SCOC: variants seen among roughly 807,000 people sequenced by gnomAD.
The protein encoded by SCOC is short coiled-coil protein.
SCOC carries 7 observed loss-of-function variants against 9.9 expected under a neutral mutation model. The observed-to-expected ratio is 0.71, with a 90% CI of 0.40 to 1.33. The LOEUF is 1.33. SCOC is among the 40% of genes most tolerant of loss of function. The pLI, the probability that SCOC is intolerant of heterozygous loss-of-function variation, is 0.01. For missense variants in SCOC, 66 were observed against 89.7 expected (o/e 0.74, Z 1.07); for synonymous variants, 19 against 28.2 (o/e 0.67, Z 1.03).
intron 1 of SCOC, among the ~76,000 whole-genome samples, chr4:140,319,650 A>G (rs909716126): frequency 1.4e-4 from 22 of 152,182 alleles, no homozygotes; most frequent in African/African-American, 5.3e-4. Context: ...AACTTTCAAG[A>G]TCAAGTTAAT....
At position 140,382,914 on chromosome 4, in the gene SCOC, C is replaced by G. The variant is rs1246193075; in HGVS notation, c.*1810C>G. On this transcript the variant is annotated 3_prime_UTR_variant, in exon 4 of 4. Transcript: ENST00000608372. ...GTGGTTCCAAGGTCAGCATTGCAGGCTAGCAGCCCTTGTTCAAACAGTTAT... is the reference window on the plus strand; with the variant it reads ...GTGGTTCCAAGGTCAGCATTGCAGGGTAGCAGCCCTTGTTCAAACAGTTAT... 1 of 152,208 alleles carries G rather than the reference C, an allele frequency of 6.6e-6. No individual in the cohort carries two copies. Among genetic ancestry groups the G allele is most frequent in the Non-Finnish European group, 1.5e-5 (1 of 68,036 alleles). 9.4% of individuals were successfully genotyped at this position (152,208 alleles called of 1,614,324 possible). A position where few individuals can be genotyped will look rare whatever the true frequency, so the allele number is the denominator to read the frequency against.
At chr4:140,284,045 C>T (rs1230261275) in intron 1 of SCOC, 1 of 152,028 alleles carries the variant, frequency 6.6e-6, no homozygotes, top group Non-Finnish European at 1.5e-5. Flanking sequence ...TTTAAAGATA[C>T]CTTCAGCTGT....
chr4:140,341,018 G>A (rs550687807), upstream of SCOC, among the ~76,000 whole-genome samples: 39 of 151,392 alleles, frequency 2.6e-4, 1 homozygote, highest in South Asian at 5.0e-3. Context: ...GGCTGGTCTC[G>A]AACTCCTGAC....
chr4:140,330,064 CA>C (rs1732767394), intron 1 of SCOC, among the ~76,000 whole-genome samples: 1 of 152,168 alleles, frequency 6.6e-6, no homozygotes, highest in Non-Finnish European at 1.5e-5. Context: ...AAATGCCCAT[CA>C]GTCAATGAGT....
chr4:140,257,743 A>G (rs934657593), intron 1 of SCOC, among the ~76,000 whole-genome samples: 11 of 152,206 alleles, frequency 7.2e-5, no homozygotes, highest in South Asian at 6.2e-4. Context: ...TGCCTAGTGC[A>G]TAATAAGCAC....
At chr4:140,289,409 G>A (rs1310151230) in intron 1 of SCOC, among the ~76,000 whole-genome samples, 1 of 152,220 alleles carries the variant, frequency 6.6e-6, no homozygotes, top group Admixed American at 6.5e-5. Flanking sequence ...AGGTGATAGA[G>A]TGAGTGTGTC....
upstream of SCOC, chr4:140,373,287 C>G (rs997531989): frequency 7.4e-7 from 1 of 1,353,038 alleles, no homozygotes; most frequent in Non-Finnish European, 9.5e-7. Context: ...ACTTCTCTGT[C>G]GCTCATACCA....
At chr4:140,286,164 A>G (rs1731261518) in intron 1 of SCOC, among the ~76,000 whole-genome samples, 1 of 151,278 alleles carries the variant, frequency 6.6e-6, no homozygotes, top group Admixed American at 6.6e-5. Context: ...AGCCTGGGTG[A>G]CAGAGCGAGA....
chr4:140,382,814 T>C lies in SCOC; in HGVS notation c.*1710T>C, dbSNP rs1728613985. On this transcript the variant is annotated 3_prime_UTR_variant, in exon 4 of 4. Transcript: ENST00000608372. ...CCAGGGAAAAAGGAAGTTGTATTTTTTAGGGTAGGCTAAGCTACTTTAGCA... is the reference window on the plus strand; with the variant it reads ...CCAGGGAAAAAGGAAGTTGTATTTTCTAGGGTAGGCTAAGCTACTTTAGCA... 6.6e-6 allele frequency: 1 copy of C among 152,236 alleles called. No homozygotes were observed. Among genetic ancestry groups the C allele is most frequent in the South Asian group, 2.1e-4 (1 of 4,832 alleles). The allele number at this position is 152,236 out of a possible 1,614,324, so 9.4% of individuals were successfully genotyped here. A position where few individuals can be genotyped will look rare whatever the true frequency, so the allele number is the denominator to read the frequency against.
intron 1 of SCOC, among the ~76,000 whole-genome samples, chr4:140,322,824 G>A (rs1732538429): frequency 6.6e-6 from 1 of 152,120 alleles, no homozygotes; most frequent in Admixed American, 6.6e-5. Context: ...ATTTGATAAG[G>A]AAATTAGTAG....
chr4:140,317,358 C>A (rs1215882017), intron 1 of SCOC, among the ~76,000 whole-genome samples: 4 of 152,168 alleles, frequency 2.6e-5, no homozygotes, highest in African/African-American at 9.7e-5. Context: ...AAAAATCAAC[C>A]CCTGACCTAA....
At chr4:140,370,809 G>A (rs574769195), upstream of SCOC, among the ~76,000 whole-genome samples, 30 of 151,764 alleles carry the variant, frequency 2.0e-4, 1 homozygote, top group East Asian at 4.3e-3. Context: ...TGGCCGTTCA[G>A]TTTTCCTCTT....
upstream of SCOC, among the ~76,000 whole-genome samples, chr4:140,340,808 T>TTTTTTTTTTTTTTTTTTTC (rs140552446): frequency 1.8e-5 from 2 of 111,814 alleles, no homozygotes; most frequent in Non-Finnish European, 3.6e-5. Flanking sequence ...TTTTTTTTTT[T>TTTTTTTTTTTTTTTTTTTC]AGAGGGATAG....
intron 1 of SCOC, among the ~76,000 whole-genome samples, chr4:140,271,071 T>A (rs533330880): frequency 6.6e-6 from 1 of 152,076 alleles, no homozygotes; most frequent in Non-Finnish European, 1.5e-5. Context: ...ACAGAGCAAA[T>A]GAGGATGCTG....
At chr4:140,290,083 T>C (rs1731426211) in intron 1 of SCOC, among the ~76,000 whole-genome samples, 1 of 152,252 alleles carries the variant, frequency 6.6e-6, no homozygotes, top group Admixed American at 6.5e-5. Flanking sequence ...ATGTAGCCAC[T>C]GCATGTGCAG....
intron 1 of SCOC, chr4:140,285,169 C>T (rs754628496): frequency 1.5e-5 from 7 of 456,550 alleles, no homozygotes; most frequent in South Asian, 1.1e-4. Flanking sequence ...AGTTGGGTCC[C>T]AAGGTCTTAC....
At chr4:140,374,467 T>A (rs1401113902) in intron 1 of SCOC, among the ~76,000 whole-genome samples, 1 of 152,194 alleles carries the variant, frequency 6.6e-6, no homozygotes, top group Non-Finnish European at 1.5e-5. Context: ...TTAAAATCAG[T>A]GTAGCTAGCC....
At chr4:140,325,520 C>T (rs11729088) in intron 1 of SCOC, among the ~76,000 whole-genome samples, 3,182 of 152,050 alleles carry the variant, frequency 0.021, 44 homozygotes, top group Non-Finnish European at 0.033. Context: ...ATCTTACAAA[C>T]GGGCAAAATA....
chr4:140,347,863 A>G (rs748636199), intron 2 of SCOC, among the ~76,000 whole-genome samples: 1 of 152,136 alleles, frequency 6.6e-6, no homozygotes, highest in Non-Finnish European at 1.5e-5. Flanking sequence ...TTATTTCACA[A>G]TGGCATCTCA....
Sources: allele counts gnomAD v4.1 joint callset (sites outside exome capture counted in the v4.1 genomes callset), GRCh38; gene constraint gnomAD v4.1.1; transcripts MANE v1.5; gene names NCBI Gene and HGNC (gene_info 2026-07-23, HGNC 2026-07-21).